Variants in FHIT observed in about 807,000 individuals in gnomAD.
FHIT encodes bis(5'-adenosyl)-triphosphatase.
Under a neutral mutation model 17.9 loss-of-function variants are expected in FHIT, and 19 were observed. The observed-to-expected ratio is 1.06, with a 90% confidence interval of 0.74 to 1.56. The LOEUF (loss-of-function observed/expected upper bound fraction) is 1.56. Among genes scored for constraint, FHIT ranks in the 40% most tolerant of loss-of-function variants. FHIT has a pLI of 0.00. For synonymous variants in FHIT, 81 were observed against 69.7 expected, an observed-to-expected ratio of 1.16 and a Z score of -0.81; for missense variants, 248 against 189.2, an observed-to-expected ratio of 1.31 and a Z score of -1.82.
Position 61,082,266 on chromosome 3 carries a change from A to G in FHIT, c.-163-40167T>C, listed in dbSNP as rs1005947126. 2.0e-5 allele frequency among the ~76,000 whole-genome samples: 3 copies of G among 152,128 alleles called. No homozygotes were observed. In the South Asian group the frequency reaches 6.2e-4, roughly 32 times the overall value. ...ATTAATTTCCTCCTGCTCCAGCCCA[A>G]AGGAAACCATTATCCTGACCTCTAA... On this transcript the variant is annotated intron_variant, in intron 2 of 9. Coordinates refer to ENST00000492590, the MANE Select transcript of FHIT (RefSeq NM_002012.4).
At chr3:60,173,128 C>G (rs1207004709) in intron 5 of FHIT, among the ~76,000 whole-genome samples, 3 of 152,284 alleles carry the variant, frequency 2.0e-5, no homozygotes, top group African/African-American at 4.8e-5. Flanking sequence ...TACTTTCTGT[C>G]CATTTCCACA....
At chr3:60,677,284 G>A (rs1355517919) in intron 4 of FHIT, among the ~76,000 whole-genome samples, 1 of 152,100 alleles carries the variant, frequency 6.6e-6, no homozygotes, top group Non-Finnish European at 1.5e-5. Flanking sequence ...CCTAAATAGT[G>A]TACATTGTAC....
intron 8 of FHIT, among the ~76,000 whole-genome samples, chr3:59,790,248 C>A (rs539771467): frequency 6.6e-6 from 1 of 152,264 alleles, no homozygotes; most frequent in South Asian, 2.1e-4. Context: ...TTTTCTTGAA[C>A]CCCAATTGCT....
At chr3:60,382,767 ATAC>A (rs766486141) in intron 5 of FHIT, among the ~76,000 whole-genome samples, 2 of 152,200 alleles carry the variant, frequency 1.3e-5, no homozygotes, top group Non-Finnish European at 2.9e-5. Flanking sequence ...AAAGAACTGT[ATAC>A]AACATATCAA....
At chr3:61,002,688 T>A (rs1195143615) in intron 3 of FHIT, among the ~76,000 whole-genome samples, 1 of 152,228 alleles carries the variant, frequency 6.6e-6, no homozygotes, top group Non-Finnish European at 1.5e-5. Flanking sequence ...TGTTTCTTTT[T>A]TTTTTAATTA....
chr3:59,991,970 T>C (rs1311922292), intron 7 of FHIT, among the ~76,000 whole-genome samples: 3 of 152,072 alleles, frequency 2.0e-5, no homozygotes, highest in Non-Finnish European at 4.4e-5. Context: ...GTAGCCAGTT[T>C]GGGTTTTCTG....
chr3:60,827,453 C>T (rs577084873), intron 3 of FHIT, among the ~76,000 whole-genome samples: 5 of 152,220 alleles, frequency 3.3e-5, no homozygotes, highest in African/African-American at 7.2e-5. Flanking sequence ...AACAATAAAA[C>T]GAGCAAGGTA....
intron 5 of FHIT, among the ~76,000 whole-genome samples, chr3:60,443,326 A>G (rs2031061570): frequency 6.6e-6 from 1 of 152,154 alleles, no homozygotes; most frequent in Admixed American, 6.6e-5. Flanking sequence ...AGGAGTGGTG[A>G]GAGAGGACAT....
chr3:60,590,947 T>C (rs782524272), intron 4 of FHIT, among the ~76,000 whole-genome samples: 87 of 152,012 alleles, frequency 5.7e-4, no homozygotes, highest in Non-Finnish European at 1.0e-3. Flanking sequence ...GAAGGATTCA[T>C]CCAGGGGGGA....
At chr3:60,678,864 A>G (rs1292284442) in intron 4 of FHIT, among the ~76,000 whole-genome samples, 2 of 148,050 alleles carry the variant, frequency 1.4e-5, no homozygotes, top group Non-Finnish European at 3.0e-5. Flanking sequence ...TGCTCTCTCC[A>G]CAAGCTCTTC....
intron 3 of FHIT, among the ~76,000 whole-genome samples, chr3:60,867,825 CT>C (rs1559787564): frequency 6.6e-6 from 1 of 152,118 alleles, no homozygotes; most frequent in Admixed American, 6.6e-5. Flanking sequence ...CCCCTGACAA[CT>C]TTTTTTGGGC....
chr3:61,123,417 G>C (rs997565192), intron 2 of FHIT, among the ~76,000 whole-genome samples: 1 of 151,930 alleles, frequency 6.6e-6, no homozygotes, highest in African/African-American at 2.4e-5. Context: ...AGGTTGATGG[G>C]TGCAGCAAAC....
chr3:60,646,767 G>GA, intron 4 of FHIT, among the ~76,000 whole-genome samples: 1 of 152,164 alleles, frequency 6.6e-6, no homozygotes, highest in African/African-American at 2.4e-5. Flanking sequence ...AAAAGTGGGG[G>GA]AAAAAAGCAA....
At chr3:61,246,833 G>A (rs542044671) in intron 1 of FHIT, among the ~76,000 whole-genome samples, 7 of 152,036 alleles carry the variant, frequency 4.6e-5, no homozygotes, top group African/African-American at 7.2e-5. Flanking sequence ...TGTACATTCT[G>A]TACATGTATC....
chr3:60,375,201 T>C (rs1700502183), intron 5 of FHIT, among the ~76,000 whole-genome samples: 1 of 152,098 alleles, frequency 6.6e-6, no homozygotes, highest in South Asian at 2.1e-4. Flanking sequence ...TTCATGATTC[T>C]GTATAGGAAC....
intron 5 of FHIT, among the ~76,000 whole-genome samples, chr3:60,420,676 C>A (rs1417329909): frequency 1.3e-5 from 2 of 152,122 alleles, no homozygotes; most frequent in Non-Finnish European, 2.9e-5. Flanking sequence ...ACTGCTCATT[C>A]ATAATCATTG....
At chr3:61,038,631 A>T (rs189367041) in intron 3 of FHIT, among the ~76,000 whole-genome samples, 2 of 152,224 alleles carry the variant, frequency 1.3e-5, no homozygotes, top group African/African-American at 4.8e-5. Context: ...AAGTACAAAA[A>T]TGCCCATATT....
Position 60,676,943 on chromosome 3 carries a change from T to G in FHIT, c.-17-139964A>C, listed in dbSNP as rs376696514. ...AGGCTGGAATGCCGTGGCGCCATCT[T>G]GGCTCACTACAACTTCCGCCTCCTG... On this transcript the variant is annotated intron_variant, in intron 4 of 9. Transcript: ENST00000492590. 1.5e-4 allele frequency among the ~76,000 whole-genome samples: 23 copies of G among 152,308 alleles called. No homozygotes were observed. The East Asian group carries it at 2.7e-3, about 18-fold the overall frequency.
In FHIT at chr3:60,754,472, T is replaced by A. The variant is rs1301533873; in HGVS notation, c.-18+67447A>T. 2.6e-5 allele frequency among the ~76,000 whole-genome samples: 4 copies of A among 152,128 alleles called. 1 individual carries two copies. The highest frequency in any genetic ancestry group is 1.3e-4 in the Admixed American group (2 of 15,266). ...CTTGGTCAAACTCATCATCTCTTAC[T>A]CTTTTTATATTAGCCGGGCGTGGTG... On this transcript the variant is annotated intron_variant, in intron 4 of 9. Transcript: ENST00000492590.
Sources: allele counts gnomAD v4.1 joint callset (sites outside exome capture counted in the v4.1 genomes callset), GRCh38; gene constraint gnomAD v4.1.1; transcripts MANE v1.5; gene names NCBI Gene and HGNC (gene_info 2026-07-23, HGNC 2026-07-21).